Variants in DYSF observed in about 807,000 individuals in gnomAD.
The protein encoded by DYSF is dystrophy-associated fer-1-like 1.
Under a neutral mutation model 274.9 loss-of-function variants are expected in DYSF, and 212 were observed. The observed-to-expected ratio is 0.77, with a 90% CI of 0.69 to 0.86. The LOEUF (loss-of-function observed/expected upper bound fraction) is 0.86, where lower values mean the gene tolerates loss of function less well. Among genes scored for constraint, DYSF ranks in the 40% least tolerant of loss-of-function variants. The probability of loss-of-function intolerance (pLI) is 0.00; values close to 1 mark genes in which losing one functional copy is unlikely to be tolerated. For missense variants in DYSF, 2,666 were observed against 2,783.2 expected (o/e 0.96, Z 0.95); for synonymous variants, 1,091 against 1,078.7 (o/e 1.01, Z -0.22).
At chr2:71,513,560 C>G (rs1457136901) in intron 6 of DYSF, among the ~76,000 whole-genome samples, 156 bp from the exon 7 acceptor site, 1 of 152,202 alleles carries the variant, frequency 6.6e-6, no homozygotes, top group African/African-American at 2.4e-5. Flanking sequence ...CTTATCCATC[C>G]TGGCTCACTG....
intron 41 of DYSF, among the ~76,000 whole-genome samples, chr2:71,631,759 C>G (rs1374738700): frequency 6.6e-6 from 1 of 152,064 alleles, no homozygotes; most frequent in Non-Finnish European, 1.5e-5. Flanking sequence ...GATATTGGAT[C>G]CTCGTTGCCG....
chr2:71,543,660 G>A (rs2090170325), intron 17 of DYSF, among the ~76,000 whole-genome samples: 1 of 152,230 alleles, frequency 6.6e-6, no homozygotes, highest in Non-Finnish European at 1.5e-5. Context: ...AGGAGCTGGA[G>A]ACCAGCCCGG....
chr2:71,513,100 C>A, intron 5 of DYSF, 140 bp from the exon 6 acceptor site: 1 of 796,612 alleles, frequency 1.3e-6, no homozygotes, highest in Non-Finnish European at 2.2e-6. Context: ...TGCCACTGGG[C>A]TCCACAGCTA....
chr2:71,569,064 C>T (rs565813990), intron 26 of DYSF, among the ~76,000 whole-genome samples: 9 of 151,946 alleles, frequency 5.9e-5, no homozygotes, highest in Non-Finnish European at 1.2e-4. Flanking sequence ...TTAGTAGAGA[C>T]GAGGTTTCAC....
chr2:71,546,004 A>G (rs1395127831), intron 17 of DYSF, among the ~76,000 whole-genome samples: 1 of 152,254 alleles, frequency 6.6e-6, no homozygotes, highest in Non-Finnish European at 1.5e-5. Flanking sequence ...TTGAACATGC[A>G]GTTAAATAGC....
intron 1 of DYSF, among the ~76,000 whole-genome samples, chr2:71,459,925 A>G (rs1230300072): frequency 6.6e-6 from 1 of 152,150 alleles, no homozygotes; most frequent in East Asian, 1.9e-4. Context: ...TCAGTTTCCA[A>G]ACAGGCCCCT....
intron 27 of DYSF, 56 bp from the exon 28 acceptor site, chr2:71,570,173 C>G (rs2092335157): frequency 1.3e-6 from 2 of 1,507,296 alleles, no homozygotes; most frequent in Non-Finnish European, 1.8e-6. Flanking sequence ...TTTCTGCCTC[C>G]CTGCTCACAT....
intron 23 of DYSF, among the ~76,000 whole-genome samples, chr2:71,563,082 C>T (rs375896378): frequency 6.6e-6 from 1 of 152,202 alleles, no homozygotes; most frequent in African/African-American, 2.4e-5. Context: ...TTCCTGCCCC[C>T]CTGGAACTGG....
chr2:71,612,520 A>C (rs2093787527), intron 38 of DYSF, 121 bp from the exon 39 acceptor site: 4 of 1,481,746 alleles, frequency 2.7e-6, no homozygotes, highest in East Asian at 2.3e-5. Flanking sequence ...GCCAGCCACC[A>C]TTTTGGATTT....
At chr2:71,548,001 C>T (rs367966482) in intron 17 of DYSF, among the ~76,000 whole-genome samples, 11 of 152,344 alleles carry the variant, frequency 7.2e-5, no homozygotes, top group Admixed American at 3.9e-4. Context: ...CTGCTCTCCT[C>T]GGGCCTGCAG....
intron 3 of DYSF, among the ~76,000 whole-genome samples, chr2:71,498,971 T>C (rs917626585): frequency 6.6e-6 from 1 of 152,246 alleles, no homozygotes; most frequent in Non-Finnish European, 1.5e-5. Flanking sequence ...TTCTAAGATT[T>C]TTAAGGAGTT....
At chr2:71,558,501 C>T (rs2091487568) in intron 22 of DYSF, among the ~76,000 whole-genome samples, 2 of 152,204 alleles carry the variant, frequency 1.3e-5, no homozygotes, top group African/African-American at 4.8e-5. Flanking sequence ...GTTGGCACCA[C>T]CTTGGGTGAG....
chr2:71,454,165 CACCTAGAGCTGAGAGACAGGAG>C (rs1382179821), intron 1 of DYSF: 1 of 1,378,806 alleles, frequency 7.3e-7, no homozygotes, highest in African/African-American at 1.4e-5. Context: ...CCCTGGAGAG[CACCTAGAGCTGAGAGACAGGAG>C]ACTTTCTGGC....
Position 71,609,893 on chromosome 2 carries a change from C to G in DYSF, c.3958-1352C>G, listed in dbSNP as rs1353969975. Among the ~76,000 whole-genome samples the G allele has an allele frequency of 4.6e-5, 7 of 152,330 alleles. No individual in the cohort carries two copies. The East Asian group carries it at 1.3e-3, about 29-fold the overall frequency. ...TACCATCCTCGCAGAAGGAACCCAA[C>G]AGAAGTCACTTGGAGAATGAATCCA... is the stretch of plus-strand genomic sequence containing the variant. On this transcript the variant is annotated intron_variant, in intron 36 of 55. Transcript: ENST00000410020.
rs114603709 is a variant in DYSF, at chr2:71,509,329, A to G, written c.346-2478A>G. The stretch of plus-strand genomic sequence containing the variant: ...AAGCGTGGGCCACCATGCCTGGCTA[A>G]TTTTTTGTTTTTTGTAAAGATGAGG... On this transcript the variant is annotated intron_variant, in intron 4 of 55. Coordinates refer to ENST00000410020, the MANE Select transcript of DYSF (RefSeq NM_001130987.2). 2.9e-3 allele frequency among the ~76,000 whole-genome samples: 432 copies of G among 151,520 alleles called. 4 individuals carry two copies. Among genetic ancestry groups the G allele is most frequent in the African/African-American group, 1.0e-2 (411 of 41,224 alleles).
At chr2:71,465,921 A>G (rs1358692160), upstream of DYSF, among the ~76,000 whole-genome samples, 1 of 151,762 alleles carries the variant, frequency 6.6e-6, no homozygotes, top group East Asian at 1.9e-4. Context: ...GAGTGTAGAG[A>G]TTGTTGGGGA....
intron 4 of DYSF, among the ~76,000 whole-genome samples, chr2:71,509,844 C>A (rs183048067): frequency 6.6e-6 from 1 of 151,894 alleles, no homozygotes; most frequent in South Asian, 2.1e-4. Context: ...GTGGTGTGAT[C>A]GACTCATTGC....
chr2:71,503,810 C>T (rs1218877320), intron 4 of DYSF, among the ~76,000 whole-genome samples: 1 of 152,240 alleles, frequency 6.6e-6, no homozygotes, highest in African/African-American at 2.4e-5. Context: ...CCTGCCCCTC[C>T]CTGGCCTTCT....
intron 3 of DYSF, among the ~76,000 whole-genome samples, chr2:71,489,525 G>A (rs984332368): frequency 2.0e-5 from 3 of 152,236 alleles, no homozygotes; most frequent in Non-Finnish European, 2.9e-5. Context: ...CCATCTGGGC[G>A]GAGGCAAGGG....
Sources: gnomAD v4.1 joint callset for allele counts (sites outside exome capture counted in the v4.1 genomes callset) on GRCh38, gnomAD v4.1.1 for gene constraint, MANE v1.5 for transcripts, NCBI Gene and HGNC (gene_info 2026-07-23, HGNC 2026-07-21) for gene names.